SH3PXD2B: variants seen among roughly 807,000 people sequenced by gnomAD.
SH3PXD2B encodes the protein SH3 and PX domain-containing protein 2B.
A neutral mutation model predicts 73.1 loss-of-function variants in SH3PXD2B; 37 were observed. The observed-to-expected ratio is 0.51, with a 90% CI of 0.39 to 0.67. The LOEUF (loss-of-function observed/expected upper bound fraction) is 0.67, where lower values mean the gene tolerates loss of function less well. Ranked by LOEUF, SH3PXD2B falls within the 30% of genes least tolerant of loss-of-function variation. SH3PXD2B has a pLI of 0.00. For missense variants in SH3PXD2B, 1,053 were observed against 1,197.8 expected, an observed-to-expected ratio of 0.88 and a Z score of 1.78; for synonymous variants, 457 against 480.5, an observed-to-expected ratio of 0.95 and a Z score of 0.64.
intron 4 of SH3PXD2B, among the ~76,000 whole-genome samples, chr5:172,385,817 C>T (rs1758049668): frequency 6.6e-6 from 1 of 152,220 alleles, no homozygotes; most frequent in Non-Finnish European, 1.5e-5. Flanking sequence ...AGTCAAGTTA[C>T]TAATAAAAGG....
intron 2 of SH3PXD2B, among the ~76,000 whole-genome samples, chr5:172,409,213 C>A (rs1391720873): frequency 6.6e-6 from 1 of 152,012 alleles, no homozygotes; most frequent in Non-Finnish European, 1.5e-5. Flanking sequence ...AACCCCCTCT[C>A]CACTAAAAAT....
At chr5:172,441,464 C>T (rs184832991) in intron 1 of SH3PXD2B, among the ~76,000 whole-genome samples, 3 of 152,286 alleles carry the variant, frequency 2.0e-5, no homozygotes, top group East Asian at 1.9e-4. Context: ...TGCGAGGGTA[C>T]AAGCAGTTAA....
chr5:172,450,091 C>T (rs1189856554), intron 1 of SH3PXD2B, among the ~76,000 whole-genome samples: 2 of 152,004 alleles, frequency 1.3e-5, no homozygotes, highest in Non-Finnish European at 2.9e-5. Flanking sequence ...GGGGATCTTT[C>T]TGGGGATGAT....
intron 2 of SH3PXD2B, among the ~76,000 whole-genome samples, chr5:172,418,118 C>T (rs1311162112): frequency 1.3e-5 from 2 of 150,422 alleles, no homozygotes; most frequent in African/African-American, 4.9e-5. Flanking sequence ...GGTCGCCTGC[C>T]AGCTTCCAAT....
At chr5:172,441,548 C>A (rs902421369) in intron 1 of SH3PXD2B, among the ~76,000 whole-genome samples, 1 of 152,198 alleles carries the variant, frequency 6.6e-6, no homozygotes, top group African/African-American at 2.4e-5. Flanking sequence ...ATGGGGGGTT[C>A]ACACCCTAGA....
Position 172,339,191 on chromosome 5 carries a change from G to A in SH3PXD2B, c.1914C>T (p.Ser638=), listed in dbSNP as rs775368741. 9.3e-6 allele frequency: 15 copies of A among 1,614,228 alleles called. No individual in the cohort carries two copies. In the South Asian group the frequency reaches 1.6e-4, roughly 18 times the overall value. The change falls in exon 13 of 13, where the codon TCC becomes TCT. Residue 638 remains serine, a synonymous_variant. Coordinates refer to ENST00000311601, the MANE Select transcript of SH3PXD2B (RefSeq NM_001017995.3). The surrounding 1 kb of genome is among the most constrained non-coding windows in gnomAD (Gnocchi z 6.1). ...DATPQNPFLK[S]RPQVRPKPAP... Reference sequence around the variant, plus strand: ...CTGGTTTTGGCCTAACCTGAGGTCTGGACTTCAAGAAGGGATTCTGGGGAG... The same window carrying A: ...CTGGTTTTGGCCTAACCTGAGGTCTAGACTTCAAGAAGGGATTCTGGGGAG...
rs12658986 is a variant in SH3PXD2B at position 172,383,878 on chromosome 5, T to G, written c.310-1751A>C. Among the ~76,000 whole-genome samples, 1,027 of 151,734 alleles carry G rather than the reference T, an allele frequency of 6.8e-3. 33 individuals are homozygous for G. The highest frequency in any genetic ancestry group is 0.054 in the Admixed American group (821 of 15,236). On this transcript the variant is annotated intron_variant, in intron 4 of 12. Transcript: ENST00000311601. ...TTTTTTTTTTTTTGAGACAGAGTCTTGCTCTGTCACCAGGCTGGAGTGCTG... is the reference window on the plus strand; with the variant it reads ...TTTTTTTTTTTTTGAGACAGAGTCTGGCTCTGTCACCAGGCTGGAGTGCTG...
intron 6 of SH3PXD2B, among the ~76,000 whole-genome samples, chr5:172,364,393 G>A (rs949010294): frequency 6.6e-6 from 1 of 152,120 alleles, no homozygotes; most frequent in Non-Finnish European, 1.5e-5. Context: ...GGCCAGGCGT[G>A]GTGGCTCATG....
Position 172,339,158 on chromosome 5 carries a change from G to T in SH3PXD2B, c.1947C>A (p.Ser649=). The T allele has an allele frequency of 6.2e-7, 1 of 1,614,220 alleles. No individual in the cohort carries two copies. The highest frequency in any genetic ancestry group is 8.5e-7 in the Non-Finnish European group (1 of 1,180,046). The change falls in exon 13 of 13, where the codon TCC becomes TCA. Residue 649 remains serine, a synonymous_variant. Transcript: ENST00000311601. The surrounding 1 kb of genome is among the most constrained non-coding windows in gnomAD (Gnocchi z 6.1). ...RPQVRPKPAP[S]PKTEPPQGED... ...CGCCCTGAGGTGGCTCCGTTTTGGG[G>T]GAAGGAGCTGGTTTTGGCCTAACCT...
intron 6 of SH3PXD2B, among the ~76,000 whole-genome samples, chr5:172,367,307 G>A (rs1757551915): frequency 6.6e-6 from 1 of 151,418 alleles, no homozygotes; most frequent in Admixed American, 6.6e-5. Context: ...TTTCTCAAAG[G>A]TGAAGTCCCT....
At chr5:172,364,037 C>T (rs141846854) in intron 6 of SH3PXD2B, among the ~76,000 whole-genome samples, 63 of 152,220 alleles carry the variant, frequency 4.1e-4, no homozygotes, top group African/African-American at 1.3e-3. Context: ...GAGAGGTGCT[C>T]CAGGGAGGCT....
At chr5:172,378,158 G>C (rs984683901) in intron 5 of SH3PXD2B, among the ~76,000 whole-genome samples, 3 of 152,184 alleles carry the variant, frequency 2.0e-5, no homozygotes, top group Non-Finnish European at 4.4e-5. Context: ...CTTCCTTCTT[G>C]AATGAAGATG....
rs1287803368 is a variant in SH3PXD2B, at chr5:172,368,516, T to C, written c.427+5274A>G. ...ATATATTATATATATATATATAAAA[T>C]ATATATATATTATATATATATATAA... On this transcript the variant is annotated intron_variant, in intron 6 of 12. Transcript: ENST00000311601. 1.0e-3 allele frequency among the ~76,000 whole-genome samples: 19 copies of C among 18,364 alleles called. 3 individuals are homozygous for C. Among genetic ancestry groups the C allele is most frequent in the African/African-American group, 6.1e-3 (19 of 3,118 alleles). 12.0% of individuals were successfully genotyped at this position (18,364 alleles called of 152,430 possible).
rs1482413500 is a variant in SH3PXD2B at position 172,349,974 on chromosome 5, C to T, written c.1012+389G>A. ...GGTTCAAGCGATTCTCCTATCTCAG[C>T]CTCCCAAGTAGCTGGGATTTCAGGC... On this transcript the variant is annotated intron_variant, in intron 10 of 12. Transcript: ENST00000311601. 2.0e-4 allele frequency among the ~76,000 whole-genome samples: 31 copies of T among 152,168 alleles called. 1 individual carries two copies. Among genetic ancestry groups the T allele is most frequent in the Admixed American group, 1.9e-3 (29 of 15,280 alleles).
At chr5:172,348,662 T>TCTATCTATCTATCTATC (rs1757065751) in intron 10 of SH3PXD2B, among the ~76,000 whole-genome samples, 5 of 30,554 alleles carry the variant, frequency 1.6e-4, no homozygotes, top group African/African-American at 4.9e-4. Context: ...ATCCTATCTA[T>TCTATCTATCTATCTATC]CTATCTATCT....
At chr5:172,380,967 G>C (rs1757930556) in intron 5 of SH3PXD2B, among the ~76,000 whole-genome samples, 1 of 152,214 alleles carries the variant, frequency 6.6e-6, no homozygotes, top group African/African-American at 2.4e-5. Flanking sequence ...GGAGGTCGCT[G>C]TGTGTGTGTA....
chr5:172,384,420 A>C (rs1302120031), intron 4 of SH3PXD2B, among the ~76,000 whole-genome samples: 1 of 152,206 alleles, frequency 6.6e-6, no homozygotes, highest in African/African-American at 2.4e-5. Flanking sequence ...TAAGTATTTA[A>C]TGCATTCACA....
At chr5:172,419,603 C>G (rs1008233750) in intron 2 of SH3PXD2B, among the ~76,000 whole-genome samples, 1 of 152,182 alleles carries the variant, frequency 6.6e-6, no homozygotes, top group African/African-American at 2.4e-5. Context: ...ATGGGAGATC[C>G]TGAGGCTACA....
rs915824638 is a variant in SH3PXD2B, at chr5:172,374,012, A to G, written c.402-197T>C. On this transcript the variant is annotated intron_variant, in intron 5 of 12. Transcript: ENST00000311601. ...TCTCTTAATTTTCCCCCTTTGCCTGATAAGTGCTCTGGTGCCCTGGGGACC... is the reference window on the plus strand; with the variant it reads ...TCTCTTAATTTTCCCCCTTTGCCTGGTAAGTGCTCTGGTGCCCTGGGGACC... 3.9e-5 allele frequency among the ~76,000 whole-genome samples: 6 copies of G among 152,304 alleles called. No homozygotes were observed. The East Asian group carries it at 5.8e-4, about 15-fold the overall frequency.
Sources: gnomAD v4.1 joint callset for allele counts (sites outside exome capture counted in the v4.1 genomes callset) on GRCh38, gnomAD v4.1.1 for gene constraint, Gnocchi (gnomAD v3.1) non-coding constraint, MANE v1.5 for transcripts, NCBI Gene and HGNC (gene_info 2026-07-23, HGNC 2026-07-21) for gene names.